The following DCLK2 variants were observed in gnomAD, a reference collection of about 807,000 sequenced individuals.
The protein encoded by DCLK2 is serine/threonine-protein kinase DCLK2.
A neutral mutation model predicts 78.4 loss-of-function variants in DCLK2; 31 were observed. The ratio of observed to expected loss-of-function variants is 0.40; its 90% CI spans 0.30 to 0.53. The LOEUF (loss-of-function observed/expected upper bound fraction) is 0.53, where lower values mean the gene tolerates loss of function less well. DCLK2 is among the 20% of genes least tolerant of loss of function. The pLI is 0.61. For synonymous variants in DCLK2, 407 were observed against 374.9 expected, an observed-to-expected ratio of 1.09 and a Z score of -0.99; for missense variants, 872 against 973.7, an observed-to-expected ratio of 0.90 and a Z score of 1.39.
intron 5 of DCLK2, among the ~76,000 whole-genome samples, chr4:150,219,170 C>T (rs1404214671): frequency 1.3e-5 from 2 of 151,610 alleles, no homozygotes; most frequent in Non-Finnish European, 2.9e-5. Flanking sequence ...CATCACTGCA[C>T]TCCAGCCTGG....
intron 2 of DCLK2, among the ~76,000 whole-genome samples, chr4:150,147,762 A>G (rs1185732531): frequency 6.6e-6 from 1 of 152,240 alleles, no homozygotes; most frequent in Non-Finnish European, 1.5e-5. Context: ...AATCCACTGT[A>G]TACTCCATGG....
intron 9 of DCLK2, 25 bp from the exon 10 acceptor site, chr4:150,232,657 A>G (rs897714478): frequency 1.9e-6 from 3 of 1,610,976 alleles, no homozygotes; most frequent in Admixed American, 1.7e-5. Flanking sequence ...TGATGCTTTG[A>G]TATGTTCTTT....
At chr4:150,133,070 A>G (rs560503306) in intron 2 of DCLK2, among the ~76,000 whole-genome samples, 88 of 152,358 alleles carry the variant, frequency 5.8e-4, no homozygotes, top group Non-Finnish European at 1.1e-3. Flanking sequence ...AAAAAGCTTC[A>G]CTAACATGTA....
At position 150,187,803 on chromosome 4, in the gene DCLK2, C is replaced by CTTT. The variant is rs11415812; in HGVS notation, c.757-5322_757-5320dup. Among the ~76,000 whole-genome samples the CTTT allele has an allele frequency of 1.5e-4, 21 of 137,568 alleles. 1 individual carries two copies. Among genetic ancestry groups the CTTT allele is most frequent in the South Asian group, 2.3e-4 (1 of 4,294 alleles). 90.2% of individuals were successfully genotyped at this position (137,568 alleles called of 152,430 possible). On this transcript the variant is annotated intron_variant, in intron 2 of 15. Transcript: ENST00000296550. ...CGACATGTTTTGTTTCTCAGTTGTA[C>CTTT]TTTTTTTTTTTTTTTGTGACAGAGT...
rs575547265 is a variant in DCLK2 at position 150,137,234 on chromosome 4, G to A, written c.756+34422G>A. Among the ~76,000 whole-genome samples the A allele has an allele frequency of 2.0e-5, 3 of 152,182 alleles. No homozygotes were observed. In the South Asian group the frequency reaches 6.2e-4, roughly 32 times the overall value. On this transcript the variant is annotated intron_variant, in intron 2 of 15. Transcript: ENST00000296550. ...TAGGGAGTAGGGTGGAGTTAGCTGGGACAGGTTGTCTGGGGCAGCTTCCCT... is the reference window on the plus strand; with the variant it reads ...TAGGGAGTAGGGTGGAGTTAGCTGGAACAGGTTGTCTGGGGCAGCTTCCCT...
intron 2 of DCLK2, among the ~76,000 whole-genome samples, chr4:150,176,566 G>A (rs554605849): frequency 6.6e-6 from 1 of 152,278 alleles, no homozygotes; most frequent in Non-Finnish European, 1.5e-5. Flanking sequence ...CCCGGAGAGG[G>A]GCTGAGAGGC....
chr4:150,246,481 GT>G (rs771951992), intron 12 of DCLK2, among the ~76,000 whole-genome samples: 1 of 152,178 alleles, frequency 6.6e-6, no homozygotes, highest in Non-Finnish European at 1.5e-5. Context: ...CTTTGAGAGG[GT>G]TGGTAGCAAA....
intron 15 of DCLK2, among the ~76,000 whole-genome samples, chr4:150,252,013 G>T (rs1039709329): frequency 4.6e-5 from 7 of 152,104 alleles, no homozygotes; most frequent in Admixed American, 4.6e-4. Context: ...GACTTTGGGG[G>T]CGCTCTGTGC....
chr4:150,169,604 C>T (rs1397579781), intron 2 of DCLK2, among the ~76,000 whole-genome samples: 1 of 150,598 alleles, frequency 6.6e-6, no homozygotes, highest in Non-Finnish European at 1.5e-5. Flanking sequence ...TTGCAGTGAG[C>T]CAAGATCGCA....
chr4:150,180,649 C>G (rs141708775), intron 2 of DCLK2, among the ~76,000 whole-genome samples: 76 of 152,170 alleles, frequency 5.0e-4, no homozygotes, highest in African/African-American at 1.6e-3. Flanking sequence ...AACACAATAC[C>G]CCAAAGTGAA....
intron 5 of DCLK2, among the ~76,000 whole-genome samples, chr4:150,206,207 G>A (rs1392209264): frequency 6.6e-6 from 1 of 152,074 alleles, no homozygotes; most frequent in Non-Finnish European, 1.5e-5. Context: ...CTTGTGCAGG[G>A]TCACTCACAT....
chr4:150,210,350 C>T (rs13150100), intron 5 of DCLK2, among the ~76,000 whole-genome samples: 6,435 of 152,178 alleles, frequency 0.042, 195 homozygotes, highest in Middle Eastern at 0.11. Flanking sequence ...CATGCAGTAG[C>T]GTACAAGGGG....
chr4:150,232,284 G>T, intron 8 of DCLK2, 53 bp from the exon 9 acceptor site: 1 of 1,590,302 alleles, frequency 6.3e-7, no homozygotes, highest in Non-Finnish European at 8.6e-7. Context: ...AGGCCTTCGA[G>T]AGCAGAGGGT....
chr4:150,163,427 AAACC>A (rs917229618), intron 2 of DCLK2, among the ~76,000 whole-genome samples: 5 of 146,738 alleles, frequency 3.4e-5, no homozygotes, highest in African/African-American at 7.6e-5. Context: ...ATAAATAAAT[AAACC>A]AACCAGCCAT....
intron 1 of DCLK2, among the ~76,000 whole-genome samples, chr4:150,084,803 G>A (rs1183928565): frequency 6.6e-6 from 1 of 152,186 alleles, no homozygotes; most frequent in African/African-American, 2.4e-5. Context: ...GAGGCCGAGA[G>A]GAGTTGCTGC....
chr4:150,190,271 ATAGATAGATAGATAGATAGATAGATAGG>A (rs1364488896), intron 2 of DCLK2, among the ~76,000 whole-genome samples: 2 of 146,804 alleles, frequency 1.4e-5, no homozygotes, highest in African/African-American at 5.3e-5. Flanking sequence ...AGATAGATAG[ATAGATAGATAGATAGATAGATAGATAGG>A]CAGACAGACA....
At chr4:150,253,266 C>T in intron 15 of DCLK2, 1 of 568,098 alleles carries the variant, frequency 1.8e-6, no homozygotes, top group Non-Finnish European at 3.3e-6. Context: ...TCTGCAGATA[C>T]AAATGATAGT....
At chr4:150,148,381 CTT>C (rs77831799) in intron 2 of DCLK2, among the ~76,000 whole-genome samples, 83 of 136,950 alleles carry the variant, frequency 6.1e-4, no homozygotes, top group African/African-American at 1.9e-3. Flanking sequence ...AAATTCATGT[CTT>C]TTTTTTTTTT....
chr4:150,246,707 G>A (rs997773583), intron 12 of DCLK2, among the ~76,000 whole-genome samples: 5 of 152,246 alleles, frequency 3.3e-5, no homozygotes, highest in Non-Finnish European at 5.9e-5. Flanking sequence ...GAGGTTATAT[G>A]GGAGGTTGGG....
Sources: allele counts gnomAD v4.1 joint callset (sites outside exome capture counted in the v4.1 genomes callset), GRCh38; gene constraint gnomAD v4.1.1; transcripts MANE v1.5; gene names NCBI Gene and HGNC (gene_info 2026-07-23, HGNC 2026-07-21).